The following SAMD4A variants were observed in gnomAD, a reference collection of about 807,000 sequenced individuals.
SAMD4A encodes the protein protein Smaug homolog 1.
A neutral mutation model predicts 81.3 loss-of-function variants in SAMD4A; 33 were observed. The ratio of observed to expected loss-of-function variants is 0.41; its 90% CI spans 0.31 to 0.54. The LOEUF (loss-of-function observed/expected upper bound fraction) is 0.54, where lower values mean the gene tolerates loss of function less well. Among genes scored for constraint, SAMD4A ranks in the 20% least tolerant of loss-of-function variants. SAMD4A has a pLI of 0.37. For synonymous variants in SAMD4A, 389 were observed against 382.1 expected (o/e 1.02, Z -0.21); for missense variants, 854 against 951.1 (o/e 0.90, Z 1.34).
At chr14:54,747,024 A>T (rs2037985399) in intron 4 of SAMD4A, among the ~76,000 whole-genome samples, 1 of 152,204 alleles carries the variant, frequency 6.6e-6, no homozygotes, top group Admixed American at 6.5e-5. Context: ...ATGTTGCAGG[A>T]TAGAAGGTTC....
intron 8 of SAMD4A, among the ~76,000 whole-genome samples, chr14:54,766,943 G>A (rs2038561173): frequency 6.6e-6 from 1 of 152,100 alleles, no homozygotes; most frequent in African/African-American, 2.4e-5. Flanking sequence ...CTCTGGTTTT[G>A]TTTTTTCCCC....
Position 54,793,174 on chromosome 14 carries a change from T to C in SAMD4A, c.*4230T>C, listed in dbSNP as rs2039287833. On this transcript the variant is annotated 3_prime_UTR_variant, in exon 13 of 13. Coordinates refer to ENST00000554335, the MANE Select transcript of SAMD4A (RefSeq NM_015589.6). The stretch of plus-strand genomic sequence containing the variant: ...TACAGTTTTCAAATGTTGTTACCAG[T>C]GAAACACCCTTGTGGTTTAAACTTG... The C allele has an allele frequency of 6.6e-6, 1 of 152,238 alleles. No individual in the cohort carries two copies. The highest frequency in any genetic ancestry group is 2.4e-5 in the African/African-American group (1 of 41,466). The allele number at this position is 152,238 out of a possible 1,614,324, so 9.4% of individuals were successfully genotyped here.
At position 54,664,496 on chromosome 14, in the gene SAMD4A, A is replaced by T. The variant is rs555006065; in HGVS notation, c.197-37566A>T. Among the ~76,000 whole-genome samples, 90 of 152,292 alleles carry T rather than the reference A, an allele frequency of 5.9e-4. 1 individual carries two copies. The highest frequency in any genetic ancestry group is 2.1e-3 in the African/African-American group (87 of 41,570). ...GACACACATCGCCCTTGACATGCTC[A>T]TCGGGACACAGACCAATTGAGGGAA... On this transcript the variant is annotated intron_variant, in intron 2 of 12. Coordinates refer to ENST00000554335, the MANE Select transcript of SAMD4A (RefSeq NM_015589.6).
At chr14:54,648,559 G>C (rs1185585005) in intron 2 of SAMD4A, among the ~76,000 whole-genome samples, 2 of 152,212 alleles carry the variant, frequency 1.3e-5, no homozygotes, top group Non-Finnish European at 2.9e-5. Flanking sequence ...TTGCAGAGTG[G>C]TAGTATTTAA....
chr14:54,646,940 A>G (rs2035299358), intron 2 of SAMD4A, among the ~76,000 whole-genome samples: 1 of 152,210 alleles, frequency 6.6e-6, no homozygotes, highest in African/African-American at 2.4e-5. Flanking sequence ...TCCCTGAGAC[A>G]AATTTTCCAA....
intron 3 of SAMD4A, among the ~76,000 whole-genome samples, chr14:54,707,920 G>T (rs1281276019): frequency 1.3e-5 from 2 of 152,200 alleles, no homozygotes; most frequent in Non-Finnish European, 2.9e-5. Context: ...GGAGAGGCTG[G>T]AGACAGAATG....
chr14:54,695,968 A>G (rs886973556), intron 2 of SAMD4A, among the ~76,000 whole-genome samples: 11 of 151,596 alleles, frequency 7.3e-5, no homozygotes, highest in East Asian at 2.0e-4. Flanking sequence ...AAAAAAAAAA[A>G]AAAAAGAAAA....
chr14:54,715,990 T>G (rs957086565), intron 3 of SAMD4A, among the ~76,000 whole-genome samples: 13 of 152,164 alleles, frequency 8.5e-5, no homozygotes, highest in Non-Finnish European at 1.8e-4. Flanking sequence ...TTCTGTTGCT[T>G]GGCACCTGAA....
intron 2 of SAMD4A, among the ~76,000 whole-genome samples, chr14:54,576,523 A>G (rs1461911749): frequency 6.6e-6 from 1 of 152,216 alleles, no homozygotes; most frequent in Non-Finnish European, 1.5e-5. Context: ...CCAGAAGAAT[A>G]TTTAAAACAT....
intron 2 of SAMD4A, among the ~76,000 whole-genome samples, chr14:54,573,527 G>T (rs926861508): frequency 6.6e-6 from 1 of 152,176 alleles, no homozygotes; most frequent in Non-Finnish European, 1.5e-5. Context: ...TCATCTGTGG[G>T]TGAAGTGCTT....
chr14:54,761,180 A>G (rs1228229544), intron 7 of SAMD4A, among the ~76,000 whole-genome samples: 2 of 152,338 alleles, frequency 1.3e-5, no homozygotes, highest in African/African-American at 4.8e-5. Flanking sequence ...TGCTTTACCT[A>G]TAGAGCTTAC....
At chr14:54,578,644 G>A (rs535977023) in intron 2 of SAMD4A, among the ~76,000 whole-genome samples, 4 of 151,918 alleles carry the variant, frequency 2.6e-5, no homozygotes, top group African/African-American at 4.8e-5. Context: ...CCGAGGAGGC[G>A]GAGGTTGCAG....
At chr14:54,761,253 A>T (rs1379989134) in intron 7 of SAMD4A, among the ~76,000 whole-genome samples, 1 of 152,204 alleles carries the variant, frequency 6.6e-6, no homozygotes, top group East Asian at 1.9e-4. Flanking sequence ...TAATTAGCCC[A>T]CCTGAGCTTA....
At chr14:54,716,615 A>T (rs2037124373) in intron 3 of SAMD4A, among the ~76,000 whole-genome samples, 1 of 152,190 alleles carries the variant, frequency 6.6e-6, no homozygotes, top group Admixed American at 6.5e-5. Flanking sequence ...CATTTGCCGG[A>T]ACTCTTAAAT....
intron 10 of SAMD4A, among the ~76,000 whole-genome samples, chr14:54,776,071 C>T (rs1037883662): frequency 2.7e-5 from 4 of 148,448 alleles, no homozygotes; most frequent in South Asian, 2.1e-4. Context: ...TTGTGCTCTT[C>T]GTTGCATACA....
chr14:54,573,060 A>C (rs934353382), intron 2 of SAMD4A, among the ~76,000 whole-genome samples: 4 of 152,200 alleles, frequency 2.6e-5, no homozygotes, highest in African/African-American at 9.7e-5. Flanking sequence ...TGAATGTGAA[A>C]AGAAGAAATC....
intron 2 of SAMD4A, among the ~76,000 whole-genome samples, chr14:54,698,071 C>G (rs1208623001): frequency 1.3e-5 from 2 of 152,210 alleles, no homozygotes; most frequent in Non-Finnish European, 2.9e-5. Context: ...GAAAGTGACT[C>G]ACTGAATCCA....
chr14:54,573,182 T>C (rs887192371), intron 2 of SAMD4A, among the ~76,000 whole-genome samples: 1 of 152,236 alleles, frequency 6.6e-6, no homozygotes, highest in Non-Finnish European at 1.5e-5. Context: ...CTGCTGCTTG[T>C]AAGTTGTAGC....
chr14:54,690,421 A>T (rs1002021847), intron 2 of SAMD4A, among the ~76,000 whole-genome samples: 1 of 151,938 alleles, frequency 6.6e-6, no homozygotes, highest in Non-Finnish European at 1.5e-5. Flanking sequence ...GTGATAATAG[A>T]CTAAGCTCTT....
Sources: allele counts gnomAD v4.1 joint callset (sites outside exome capture counted in the v4.1 genomes callset), GRCh38; gene constraint gnomAD v4.1.1; transcripts MANE v1.5; gene names NCBI Gene and HGNC (gene_info 2026-07-23, HGNC 2026-07-21).